NCL: variants seen among roughly 807,000 people sequenced by gnomAD.
The protein encoded by NCL is nucleolin multifunctional protein.
A neutral mutation model predicts 77.7 loss-of-function variants in NCL; 4 were observed. That is an observed-to-expected ratio of 0.05 (90% CI 0.03 to 0.12). NCL has a LOEUF of 0.12. Among genes scored for constraint, NCL ranks in the 10% least tolerant of loss-of-function variants. The probability of loss-of-function intolerance (pLI) is 1.00; values close to 1 mark genes in which losing one functional copy is unlikely to be tolerated. For missense variants in NCL, 763 were observed against 860.9 expected (o/e 0.89, Z 1.42); for synonymous variants, 344 against 297.8 (o/e 1.16, Z -1.60).
rs773874045 is a variant in NCL at position 231,460,794 on chromosome 2, G to GAGA, written c.685_686insTCT (p.Ala229delinsValSer). ...ATCTTCATCCTCAGCCACGTTCTTG[G>GAGA]CTTTCACAGGAACAACTTTTGCAGC... On this transcript the variant is annotated protein_altering_variant, in exon 4 of 14. Transcript: ENST00000322723. The GAGA allele has an allele frequency of 4.3e-6, 7 of 1,613,756 alleles. No homozygotes were observed. The African/African-American group carries it at 9.4e-5, about 22-fold the overall frequency.
chr2:231,456,676 T>A lies in NCL; in HGVS notation c.1660A>T (p.Arg554Trp). The A allele has an allele frequency of 6.2e-7, 1 of 1,614,192 alleles. No homozygotes were observed. The change falls in exon 11 of 14, where the codon AGG becomes TGG. Residue 554 changes from arginine to tryptophan, a missense_variant. Around this residue, in one of 2 missense-constraint regions of NCL, gnomAD observed 173 missense variants for 290.4 expected, o/e 0.60. Coordinates refer to ENST00000322723, the MANE Select transcript of NCL (RefSeq NM_005381.3). Reference sequence around the variant, plus strand: ...CCCCTGGGTCCTTGCAACTCCAGCCTGATTGCTCTGCCCTCAATTTCCCTT... The same window carrying A: ...CCCCTGGGTCCTTGCAACTCCAGCCAGATTGCTCTGCCCTCAATTTCCCTT... ...NKREIEGRAI[R>W]LELQGPRGSP...
intron 7 of NCL, chr2:231,458,772 A>C (rs2046917951): frequency 2.2e-6 from 1 of 464,640 alleles, no homozygotes; most frequent in Admixed American, 4.1e-5. Context: ...TGTTCTGTAT[A>C]AAAGTGCTCT....
At position 231,464,446 on chromosome 2, in the gene NCL, G is replaced by T; in HGVS notation, c.-93C>A. On this transcript the variant is annotated 5_prime_UTR_variant, in exon 1 of 14. Transcript: ENST00000322723. ...GGCGGCCGCGGGTGCTGAAGATCCC[G>T]GAGCACGTACACCCGAAGGCCAGCG... 6.6e-7 allele frequency: 1 copy of T among 1,509,594 alleles called. No homozygotes were observed. Among genetic ancestry groups the T allele is most frequent in the Non-Finnish European group, 9.0e-7 (1 of 1,107,708 alleles). 93.5% of individuals were successfully genotyped at this position (1,509,594 alleles called of 1,614,324 possible).
At position 231,456,145 on chromosome 2, in the gene NCL, G is replaced by GAA. The variant is rs150234462; in HGVS notation, c.1706-11_1706-10dup. The GAA allele has an allele frequency of 1.6e-4, 249 of 1,579,930 alleles. No homozygotes were observed. The highest frequency in any genetic ancestry group is 4.1e-4 in the Admixed American group (23 of 55,914). ...CAGAGTTTTGGATGGCTCTGGGAAG[G>GAA]AAAAAAAAATGTGACTTTATGTGAA... On this transcript the variant is annotated splice_polypyrimidine_tract_variant and intron_variant, in intron 11 of 13. Coordinates refer to ENST00000322723, the MANE Select transcript of NCL (RefSeq NM_005381.3).
chr2:231,463,478 A>G (rs1348032164), intron 1 of NCL, 162 bp from the exon 2 acceptor site: 2 of 677,372 alleles, frequency 3.0e-6, no homozygotes, highest in Non-Finnish European at 5.2e-6. Context: ...TGGCAATGCA[A>G]GAGGGACTAC....
intron 3 of NCL, among the ~76,000 whole-genome samples, chr2:231,461,218 G>T (rs1235743292): frequency 6.6e-6 from 1 of 151,778 alleles, no homozygotes; most frequent in Non-Finnish European, 1.5e-5. Context: ...GGAGGCTGCA[G>T]TGAGCCGAGA....
intron 10 of NCL, 86 bp from the exon 11 acceptor site, chr2:231,456,850 A>T: frequency 2.5e-6 from 4 of 1,571,586 alleles, no homozygotes; most frequent in Non-Finnish European, 3.5e-6. Flanking sequence ...CCCTTCTCTC[A>T]AGTTGGTACC....
At chr2:231,457,259 A>T (rs1445314661) in intron 9 of NCL, 135 bp from the exon 10 acceptor site, 1 of 1,256,472 alleles carries the variant, frequency 8.0e-7, no homozygotes, top group African/African-American at 1.5e-5. Flanking sequence ...AGCTAAATCC[A>T]TTTCTGTTAC....
At position 231,460,136 on chromosome 2, in the gene NCL, G is replaced by A. The variant is rs763998173; in HGVS notation, c.1040+16C>T. 46 of 1,607,056 alleles carry A rather than the reference G, an allele frequency of 2.9e-5. No individual in the cohort carries two copies. The highest frequency in any genetic ancestry group is 3.9e-5 in the Non-Finnish European group (46 of 1,177,656). The stretch of plus-strand genomic sequence containing the variant: ...TAACAGACCCACGTGTATGTAACGT[G>A]CAGTGAAGCACTTACCTAGTCATAC... On this transcript the variant is annotated intron_variant, in intron 6 of 13. Transcript: ENST00000322723.
intron 1 of NCL, 142 bp downstream of exon 1, chr2:231,464,194 C>T (rs1010230443): frequency 6.8e-7 from 1 of 1,468,202 alleles, no homozygotes; most frequent in Non-Finnish European, 9.1e-7. Context: ...GCGAGACCTC[C>T]CCACTAATCG....
intron 7 of NCL, 150 bp from the exon 8 acceptor site, chr2:231,458,539 A>T: frequency 3.0e-6 from 3 of 984,964 alleles, no homozygotes; most frequent in Non-Finnish European, 2.9e-6. Flanking sequence ...ATATGGAGAT[A>T]TAGCAGTGTC....
In NCL at chr2:231,455,393, T is replaced by C. The variant is rs758335200; in HGVS notation, c.2056+8A>G. The C allele has an allele frequency of 1.9e-6, 3 of 1,614,032 alleles. No individual in the cohort carries two copies. The Admixed American group carries it at 5.0e-5, about 27-fold the overall frequency. ...GCTATGTGGTGTCATTATCTCTGCG[T>C]GCCTTACCTCCAAAGCCTCCCCGGC... On this transcript the variant is annotated splice_region_variant and intron_variant, in intron 13 of 13. Transcript: ENST00000322723.
In NCL at chr2:231,460,154, A is replaced by G. The variant is rs761020250; in HGVS notation, c.1038T>C (p.Thr346=). 1 of 1,612,322 alleles carries G rather than the reference A, an allele frequency of 6.2e-7. No individual in the cohort carries two copies. Among genetic ancestry groups the G allele is most frequent in the African/African-American group, 1.3e-5 (1 of 74,852 alleles). Reference sequence around the variant, plus strand: ...GTAACGTGCAGTGAAGCACTTACCTAGTCATACCAATTCTGACATCCACAA... The same window carrying G: ...GTAACGTGCAGTGAAGCACTTACCTGGTCATACCAATTCTGACATCCACAA... The part of the protein sequence containing the change: ...LAVVDVRIGM[T]RKFGYVDFES... Residue 346 remains threonine (T), a splice_region_variant and synonymous_variant, in exon 6 of 14, where the codon ACT becomes ACC. Coordinates refer to ENST00000322723, the MANE Select transcript of NCL (RefSeq NM_005381.3).
Position 231,454,955 on chromosome 2 carries a change from A to C in NCL, c.*236T>G. Reference sequence around the variant, plus strand: ...ATGGGATGAAACAATATAAATTCAAAACTTACAGATAAGGGTTAGCTCTAT... The same window carrying C: ...ATGGGATGAAACAATATAAATTCAACACTTACAGATAAGGGTTAGCTCTAT... On this transcript the variant is annotated 3_prime_UTR_variant, in exon 14 of 14. Coordinates refer to ENST00000322723, the MANE Select transcript of NCL (RefSeq NM_005381.3). 2.3e-6 allele frequency: 1 copy of C among 430,008 alleles called. No homozygotes were observed. The highest frequency in any genetic ancestry group is 4.1e-6 in the Non-Finnish European group (1 of 241,982). The allele number at this position is 430,008 out of a possible 1,614,324, so 26.6% of individuals were successfully genotyped here.
chr2:231,460,771 C>G lies in NCL; in HGVS notation c.709G>C (p.Asp237His). ...TCGTCCTCATCATCCTCTTCTTCAT[C>G]TTCATCCTCAGCCACGTTCTTGGCT... Reference protein sequence around the residue: ...VKAKNVAEDEDEEEDDEDEDD... With the variant: ...VKAKNVAEDEHEEEDDEDEDD... Residue 237 changes from aspartate to histidine, a missense_variant, in exon 4 of 14, where the codon GAT becomes CAT. Coordinates refer to ENST00000322723, the MANE Select transcript of NCL (RefSeq NM_005381.3). The G allele has an allele frequency of 6.2e-7, 1 of 1,614,126 alleles. No individual in the cohort carries two copies. Among genetic ancestry groups the G allele is most frequent in the Non-Finnish European group, 8.5e-7 (1 of 1,179,982 alleles).
At chr2:231,462,895 T>C in intron 2 of NCL, 1 of 229,164 alleles carries the variant, frequency 4.4e-6, no homozygotes. Context: ...TGCCCAGCTC[T>C]ACATGTGGGG....
rs1360201223 is a variant in NCL, at chr2:231,463,029, C to T, written c.135+171G>A. On this transcript the variant is annotated intron_variant, in intron 2 of 13. Coordinates refer to ENST00000322723, the MANE Select transcript of NCL (RefSeq NM_005381.3). Reference sequence around the variant, plus strand: ...CTCGTCTTACACTCACATTCAAATACTTAGCCAAATGACATCTTGACATGT... The same window carrying T: ...CTCGTCTTACACTCACATTCAAATATTTAGCCAAATGACATCTTGACATGT... The T allele has an allele frequency of 1.3e-5, 8 of 596,600 alleles. No individual in the cohort carries two copies. The East Asian group carries it at 2.3e-4, about 17-fold the overall frequency. 37.0% of individuals were successfully genotyped at this position (596,600 alleles called of 1,614,324 possible).
At chr2:231,462,938 A>T in intron 2 of NCL, 1 of 416,184 alleles carries the variant, frequency 2.4e-6, no homozygotes, top group Non-Finnish European at 4.4e-6. Context: ...GGAAAAATGT[A>T]ATGATTTAAC....
rs778269211 is a variant in NCL, at chr2:231,460,205, A to G, written c.987T>C (p.Asp329=). ...CAGCAAGATCATTTTTAGCAAAAACATCGCTGATACCAGTTTTTAATTCAG... is the reference window on the plus strand; with the variant it reads ...CAGCAAGATCATTTTTAGCAAAAACGTCGCTGATACCAGTTTTTAATTCAG... ...SAPELKTGIS[D]VFAKNDLAVV... is the part of the protein sequence containing the mutation. Residue 329 remains aspartate (D), a synonymous_variant, in exon 6 of 14, where the codon GAT becomes GAC. Coordinates refer to ENST00000322723, the MANE Select transcript of NCL (RefSeq NM_005381.3). The G allele has an allele frequency of 2.5e-6, 4 of 1,614,094 alleles. No homozygotes were observed. The highest frequency in any genetic ancestry group is 4.5e-5 in the East Asian group (2 of 44,884).
Sources: gnomAD v4.1 joint callset for allele counts (sites outside exome capture counted in the v4.1 genomes callset) on GRCh38, gnomAD v4.1.1 for gene constraint, gnomAD v4.1.1 regional missense constraint, MANE v1.5 for transcripts, NCBI Gene and HGNC (gene_info 2026-07-23, HGNC 2026-07-21) for gene names.